LCOR: variants seen among roughly 807,000 people sequenced by gnomAD.
LCOR encodes ligand-dependent corepressor.
In LCOR, 14 loss-of-function variants were observed where a neutral mutation model predicts 64.4. The ratio of observed to expected loss-of-function variants is 0.22; its 90% CI spans 0.14 to 0.34. LCOR has a LOEUF of 0.34. LCOR is among the 10% of genes least tolerant of loss of function. The pLI is 1.00. For missense variants in LCOR, 1,686 were observed against 1,765.3 expected (o/e 0.96, Z 0.80); for synonymous variants, 643 against 642.5 (o/e 1.00, Z -0.01).
intron 6 of LCOR, 127 bp downstream of exon 6, chr10:96,949,422 T>C: frequency 1.2e-6 from 1 of 857,808 alleles, no homozygotes; most frequent in Admixed American, 2.3e-5. Context: ...ATTCTTAAAT[T>C]ATTTCTTACT....
intron 5 of LCOR, among the ~76,000 whole-genome samples, chr10:96,946,735 T>C (rs887588559): frequency 6.6e-6 from 1 of 152,122 alleles, no homozygotes; most frequent in Non-Finnish European, 1.5e-5. Flanking sequence ...GTCTCATGAC[T>C]GTGTTTTCAT....
intron 7 of LCOR, chr10:96,955,941 A>G (rs145617106): frequency 2.8e-5 from 44 of 1,598,832 alleles, no homozygotes; most frequent in Admixed American, 2.1e-4. Flanking sequence ...TAGAGTGCCA[A>G]TTACTGTACA....
chr10:96,923,108 TC>T (rs1847110002), intron 4 of LCOR, among the ~76,000 whole-genome samples: 1 of 152,214 alleles, frequency 6.6e-6, no homozygotes. Context: ...TGGAGACATT[TC>T]CCCTAAGACT....
chr10:96,964,631 G>A (rs1426142412), intron 7 of LCOR, among the ~76,000 whole-genome samples: 1 of 151,964 alleles, frequency 6.6e-6, no homozygotes, highest in East Asian at 1.9e-4. Flanking sequence ...ATATTCAGGT[G>A]CAATATTGCG....
At chr10:96,943,910 A>T (rs1325951363) in intron 4 of LCOR, among the ~76,000 whole-genome samples, 1 of 152,212 alleles carries the variant, frequency 6.6e-6, no homozygotes, top group Non-Finnish European at 1.5e-5. Context: ...TCAAAAAAAG[A>T]AGTAGATAAA....
intron 2 of LCOR, among the ~76,000 whole-genome samples, chr10:96,861,742 C>T (rs144533742): frequency 0.048 from 7,239 of 152,206 alleles, 585 homozygotes; most frequent in African/African-American, 0.16. Context: ...GATGGGGTTT[C>T]GCCATGTTGG....
At chr10:96,956,830 T>A in intron 7 of LCOR, 1 of 985,680 alleles carries the variant, frequency 1.0e-6, no homozygotes. Context: ...TCTTCAGTCC[T>A]TTTACAGAAT....
At position 96,833,008 on chromosome 10, in the gene LCOR, C is replaced by T. The variant is rs1390845880; in HGVS notation, c.-403-398C>T. Reference sequence around the variant, plus strand: ...GGAGGGAGCTGGAGCTGTCACAGTCCCCGGGTGCGCCTGACCGAGCCAAGT... The same window carrying T: ...GGAGGGAGCTGGAGCTGTCACAGTCTCCGGGTGCGCCTGACCGAGCCAAGT... On this transcript the variant is annotated intron_variant, in intron 1 of 7. Coordinates refer to ENST00000421806, the MANE Select transcript of LCOR (RefSeq NM_001346516.2). 5.1e-6 allele frequency: 5 copies of T among 985,238 alleles called. No homozygotes were observed. The African/African-American group carries it at 5.2e-5, about 10-fold the overall frequency. 61.0% of individuals were successfully genotyped at this position (985,238 alleles called of 1,614,324 possible).
chr10:96,913,388 A>G (rs759752643), intron 4 of LCOR, among the ~76,000 whole-genome samples: 4 of 152,190 alleles, frequency 2.6e-5, no homozygotes, highest in Admixed American at 6.5e-5. Context: ...GATGGGAAGG[A>G]TGAGAAATTA....
At chr10:96,876,947 G>A (rs1225162992) in intron 2 of LCOR, among the ~76,000 whole-genome samples, 3 of 152,024 alleles carry the variant, frequency 2.0e-5, no homozygotes, top group Admixed American at 6.6e-5. Context: ...CACCTGCTTC[G>A]GCCTCCCAAA....
intron 2 of LCOR, among the ~76,000 whole-genome samples, chr10:96,859,632 A>C (rs1845856575): frequency 6.6e-6 from 1 of 151,858 alleles, no homozygotes; most frequent in Admixed American, 6.6e-5. Flanking sequence ...ATCTTGGCTT[A>C]CTCCAAACTC....
intron 4 of LCOR, among the ~76,000 whole-genome samples, chr10:96,940,183 T>C (rs1847425652): frequency 6.6e-6 from 1 of 152,190 alleles, no homozygotes. Context: ...ACATTGTTTT[T>C]GGGAATATAA....
Position 96,984,385 on chromosome 10 carries a change from A to C in LCOR, c.3925A>C (p.Ile1309Leu). Residue 1309 changes from isoleucine (I) to leucine (L), a missense_variant, in exon 8 of 8, where the codon ATT becomes CTT. This residue lies in a region of LCOR where 1,293 missense variants were observed against 1,410.4 expected (regional missense o/e 0.92). Transcript: ENST00000421806. The part of the protein sequence containing the change: ...ANLPTPASTR[I>L]LRKYSNIRGK... ...CCTGCCCACTCCAGCCAGTACCCGG[A>C]TTCTTAGAAAATATTCCAATATTCG... The C allele has an allele frequency of 6.2e-7, 1 of 1,614,208 alleles. No individual in the cohort carries two copies. The highest frequency in any genetic ancestry group is 8.5e-7 in the Non-Finnish European group (1 of 1,180,030).
chr10:96,847,414 A>T (rs1416698738), intron 2 of LCOR, among the ~76,000 whole-genome samples: 5 of 133,004 alleles, frequency 3.8e-5, no homozygotes, highest in African/African-American at 8.2e-5. Context: ...TATTTTATTT[A>T]TTTATTTATT....
intron 4 of LCOR, among the ~76,000 whole-genome samples, chr10:96,919,896 A>G (rs1847018371): frequency 1.3e-5 from 2 of 152,182 alleles, no homozygotes; most frequent in South Asian, 4.1e-4. Context: ...TCCATCCATC[A>G]GTGGACCCTT....
chr10:96,846,662 ATATT>A (rs1180567778), intron 2 of LCOR, among the ~76,000 whole-genome samples: 1 of 152,232 alleles, frequency 6.6e-6, no homozygotes, highest in African/African-American at 2.4e-5. Flanking sequence ...ATTTGCGTAT[ATATT>A]TACTGTGTAT....
intron 1 of LCOR, among the ~76,000 whole-genome samples, 183 bp downstream of exon 1, chr10:96,832,582 C>G (rs1167000733): frequency 1.4e-5 from 2 of 146,954 alleles, no homozygotes; most frequent in African/African-American, 2.5e-5. Flanking sequence ...GCGGGCTCCC[C>G]TGCTCGGCCG....
At chr10:96,897,392 T>G (rs1201489850) in intron 2 of LCOR, among the ~76,000 whole-genome samples, 1 of 152,194 alleles carries the variant, frequency 6.6e-6, no homozygotes, top group Non-Finnish European at 1.5e-5. Flanking sequence ...TGAACTGATG[T>G]AATTGACTCA....
rs1800897192 is a variant in LCOR, at chr10:96,986,927, T to G, written c.*1793T>G. 1 of 152,236 alleles carries G rather than the reference T, an allele frequency of 6.6e-6. No individual in the cohort carries two copies. Among genetic ancestry groups the G allele is most frequent in the African/African-American group, 2.4e-5 (1 of 41,458 alleles). The allele number at this position is 152,236 out of a possible 1,614,324, so 9.4% of individuals were successfully genotyped here. ...TCTGTTAAAGGTTTGCTGTATATCA[T>G]GGGAACTTCTGATGATTGGATAAGA... On this transcript the variant is annotated 3_prime_UTR_variant, in exon 8 of 8. Transcript: ENST00000421806.
Sources: allele counts gnomAD v4.1 joint callset (sites outside exome capture counted in the v4.1 genomes callset), GRCh38; gene constraint gnomAD v4.1.1; regional missense constraint gnomAD v4.1.1; transcripts MANE v1.5; gene names NCBI Gene and HGNC (gene_info 2026-07-23, HGNC 2026-07-21).